Variants in PLIN5 observed in about 807,000 individuals in gnomAD.
PLIN5 encodes perilipin 5, also known as perilipin-5.
In PLIN5, 34 loss-of-function variants were observed where a neutral mutation model predicts 32.8. The ratio of observed to expected loss-of-function variants is 1.04; its 90% confidence interval spans 0.79 to 1.38. The LOEUF (loss-of-function observed/expected upper bound fraction) is 1.38, where lower values mean the gene tolerates loss of function less well. Ranked by LOEUF, PLIN5 falls within the 40% of genes most tolerant of loss-of-function variation. The pLI is 0.00. For synonymous variants in PLIN5, 309 were observed against 292.9 expected (o/e 1.05, Z -0.56); for missense variants, 712 against 660.5 (o/e 1.08, Z -0.85).
chr19:4,524,413 G>A (rs747728340), intron 7 of PLIN5, among the ~76,000 whole-genome samples: 61 of 152,202 alleles, frequency 4.0e-4, no homozygotes, highest in Non-Finnish European at 6.3e-4. Context: ...TTAGCTGGGC[G>A]TGGTGGTGGA....
Position 4,534,005 on chromosome 19 carries a change from C to A in PLIN5, c.60+10G>T, listed in dbSNP as rs377144538. The A allele has an allele frequency of 6.2e-7, 1 of 1,611,538 alleles. No individual in the cohort carries two copies. ...TTCTGTCCCTGCTCCATGGGAGGGG[C>A]AGCCCTCACCTGCTGGTCCTGCTCC... On this transcript the variant is annotated intron_variant, in intron 2 of 7. Coordinates refer to ENST00000381848, the MANE Select transcript of PLIN5 (RefSeq NM_001013706.3).
chr19:4,523,780 G>A lies in PLIN5; in HGVS notation c.1140C>T (p.Pro380=). The A allele has an allele frequency of 1.3e-6, 2 of 1,597,828 alleles. No homozygotes were observed. The highest frequency in any genetic ancestry group is 1.7e-6 in the Non-Finnish European group (2 of 1,178,976). Residue 380 remains proline (P), a synonymous_variant, in exon 8 of 8, where the codon CCC becomes CCT. Transcript: ENST00000381848. This position sits in a 1 kb window ranked among gnomAD's most constrained non-coding sequence, Gnocchi z 5.0. ...PLPWLVGPFA[P]ILVERPEPLP... is the part of the protein sequence containing the mutation. ...GGGGCTCGGGTCGCTCCACAAGGATGGGCGCGAAGGGTCCCACCAGCCAGG... is the reference window on the plus strand; with the variant it reads ...GGGGCTCGGGTCGCTCCACAAGGATAGGCGCGAAGGGTCCCACCAGCCAGG...
chr19:4,529,538 T>TG (rs1239301944), intron 4 of PLIN5: 1 of 455,510 alleles, frequency 2.2e-6, no homozygotes, highest in African/African-American at 4.1e-5. Context: ...ACATATATAC[T>TG]TATACGTATA....
rs73542188 is a variant in PLIN5, at chr19:4,526,727, G to A, written c.521-895C>T. Among the ~76,000 whole-genome samples, 643 of 152,106 alleles carry A rather than the reference G, an allele frequency of 4.2e-3. 3 individuals carry two copies. The highest frequency in any genetic ancestry group is 0.014 in the African/African-American group (599 of 41,500). On this transcript the variant is annotated intron_variant, in intron 5 of 7. Transcript: ENST00000381848. ...ATTAGCCAGGGCTGGGCACAGTGGC[G>A]TGTGCCTATAGTCCCAGCTGCTTGA...
chr19:4,525,116 CT>C lies in PLIN5; in HGVS notation c.721-41del. 1.3e-5 allele frequency: 5 copies of C among 375,136 alleles called. No individual in the cohort carries two copies. Among genetic ancestry groups the C allele is most frequent in the African/African-American group, 8.6e-5 (4 of 46,746 alleles). 23.2% of individuals were successfully genotyped at this position (375,136 alleles called of 1,614,324 possible). ...ATGGTGGTCTTCAGAGCTGGGGGAG[CT>C]GGGGGAGCTGGGGGTCGGGGTGGGG... On this transcript the variant is annotated intron_variant, in intron 6 of 7. Coordinates refer to ENST00000381848, the MANE Select transcript of PLIN5 (RefSeq NM_001013706.3). This position sits in a 1 kb window ranked among gnomAD's most constrained non-coding sequence, Gnocchi z 5.6.
At chr19:4,533,038 G>GCTA (rs1976905396) in intron 2 of PLIN5, 1 of 151,442 alleles carries the variant, frequency 6.6e-6, no homozygotes, top group African/African-American at 2.4e-5. Flanking sequence ...GGGTTCAAGA[G>GCTA]ATTCTCCTGC....
chr19:4,524,907 C>T (rs1976779990), intron 7 of PLIN5, 56 bp downstream of exon 7: 4 of 1,452,034 alleles, frequency 2.8e-6, no homozygotes, highest in East Asian at 2.7e-5. Context: ...CGCTCCCCCT[C>T]TTCCTCCGCG....
chr19:4,529,511 TG>T (rs1976852811), intron 4 of PLIN5: 2 of 534,082 alleles, frequency 3.7e-6, no homozygotes, highest in Non-Finnish European at 6.6e-6. Context: ...CATATATACA[TG>T]TATATATACA....
intron 5 of PLIN5, among the ~76,000 whole-genome samples, chr19:4,527,538 CAAAAAAAAAAAAAAA>C (rs1176219746): frequency 3.4e-5 from 1 of 29,684 alleles, no homozygotes; most frequent in South Asian, 2.1e-3. Context: ...GACTCCACTT[CAAAAAAAAAAAAAAA>C]AAAAAAAAAA....
At chr19:4,524,879 G>A (rs1212298464) in intron 7 of PLIN5, 84 bp downstream of exon 7, 1 of 1,229,460 alleles carries the variant, frequency 8.1e-7, no homozygotes, top group African/African-American at 1.6e-5. Context: ...GGCAGTACTG[G>A]GCTGACCCGC....
chr19:4,529,359 G>A, intron 4 of PLIN5, 106 bp from the exon 5 acceptor site: 2 of 1,276,886 alleles, frequency 1.6e-6, no homozygotes, highest in Non-Finnish European at 2.2e-6. Context: ...ACTTCTACCT[G>A]GCTCCGTGCC....
At chr19:4,533,347 G>C (rs1976909775) in intron 2 of PLIN5, 1 of 152,452 alleles carries the variant, frequency 6.6e-6, no homozygotes, top group African/African-American at 2.4e-5. Context: ...CTGCCCGCTT[G>C]GCCTCCCAAA....
intron 5 of PLIN5, among the ~76,000 whole-genome samples, chr19:4,527,565 A>AC (rs1976822089): frequency 6.9e-6 from 1 of 144,164 alleles, no homozygotes; most frequent in Non-Finnish European, 1.5e-5. Context: ...AAAAAAAAAA[A>AC]ACAACAATGG....
chr19:4,525,070 G>C lies in PLIN5; in HGVS notation c.727C>G (p.His243Asp). ...QLQETLELID[H>D]MQCGVTPTAP... ...GTGGGGGTCACCCCACACTGCATGT[G>C]GTCTATCTGCAAGGACAGAAATGGT... The change falls in exon 7 of 8, where the codon CAC (histidine) becomes GAC (aspartate). Residue 243 changes from histidine (H) to aspartate (D), a missense_variant. By Grantham distance (81) the His-to-Asp change is moderately conservative. Coordinates refer to ENST00000381848, the MANE Select transcript of PLIN5 (RefSeq NM_001013706.3). The surrounding 1 kb of genome is among the most constrained non-coding windows in gnomAD (Gnocchi z 5.6). The C allele has an allele frequency of 7.1e-7, 1 of 1,413,312 alleles. No homozygotes were observed. 87.5% of individuals were successfully genotyped at this position (1,413,312 alleles called of 1,614,324 possible).
In PLIN5 at chr19:4,529,184, G is replaced by A. The variant is rs200649823; in HGVS notation, c.409C>T (p.Arg137Trp). 110 of 1,612,632 alleles carry A rather than the reference G, an allele frequency of 6.8e-5. No individual in the cohort carries two copies. Among genetic ancestry groups the A allele is most frequent in the Middle Eastern group, 3.3e-4 (2 of 6,084 alleles). Residue 137 changes from arginine (R) to tryptophan (W), a missense_variant, in exon 5 of 8, where the codon CGG becomes TGG. By Grantham distance (101) the Arg-to-Trp change is moderately radical. Coordinates refer to ENST00000381848, the MANE Select transcript of PLIN5 (RefSeq NM_001013706.3). ...TGVVDLARRG[R>W]RWSVELKRSV... ...CGCTTCAGCTCCACGCTCCAGCGCC[G>A]GCCCCTCCGGGCCAGGTCCACCACA...
chr19:4,531,865 G>T, intron 2 of PLIN5, 43 bp from the exon 3 acceptor site: 1 of 1,467,254 alleles, frequency 6.8e-7, no homozygotes, highest in South Asian at 1.4e-5. Flanking sequence ...GGGGAAGTGG[G>T]GCCCTAGCCA....
chr19:4,524,095 G>A lies in PLIN5; in HGVS notation c.835-10C>T, dbSNP rs1301336024. The A allele has an allele frequency of 2.1e-6, 3 of 1,406,458 alleles. No individual in the cohort carries two copies. Among genetic ancestry groups the A allele is most frequent in the Admixed American group, 3.2e-5 (1 of 31,418 alleles). The allele number at this position is 1,406,458 out of a possible 1,614,324, so 87.1% of individuals were successfully genotyped here. On this transcript the variant is annotated splice_polypyrimidine_tract_variant and intron_variant, in intron 7 of 7. Coordinates refer to ENST00000381848, the MANE Select transcript of PLIN5 (RefSeq NM_001013706.3). ...GCGTCTCCAGCTCTGCCTGCAGGGG[G>A]CGGGGACCTCAGTTTCCCCTATGGA...
At position 4,529,846 on chromosome 19, in the gene PLIN5, C is replaced by A; in HGVS notation, c.277G>T (p.Ala93Ser). 6.2e-7 allele frequency: 1 copy of A among 1,606,208 alleles called. No individual in the cohort carries two copies. The highest frequency in any genetic ancestry group is 1.1e-5 in the South Asian group (1 of 90,392). The change falls in exon 4 of 8, where the codon GCC (alanine) becomes TCC (serine). Residue 93 changes from alanine (A) to serine (S), a missense_variant. Ala to Ser is a moderately conservative substitution (Grantham distance 99). Transcript: ENST00000381848. ...QPQLATMNSLACRGLDKLEEK... is the reference protein window; with the variant it reads ...QPQLATMNSLSCRGLDKLEEK... ...TCCAGCTTGTCCAGGCCCCTGCAGG[C>A]GAGGCTGTTCATAGTGGCCACTGAA... is the stretch of plus-strand genomic sequence containing the variant.
chr19:4,529,610 T>TATACAC (rs533772328), intron 4 of PLIN5, 174 bp downstream of exon 4: 183 of 432,492 alleles, frequency 4.2e-4, no homozygotes, highest in Admixed American at 3.0e-3. Flanking sequence ...CATATATGTA[T>TATACAC]ACACACACAC....
Sources: gnomAD v4.1 joint callset for allele counts (sites outside exome capture counted in the v4.1 genomes callset) on GRCh38, gnomAD v4.1.1 for gene constraint, Gnocchi (gnomAD v3.1) non-coding constraint, MANE v1.5 for transcripts, NCBI Gene and HGNC (gene_info 2026-07-23, HGNC 2026-07-21) for gene names.